Variants in DEFB121 observed in about 807,000 individuals in gnomAD.
DEFB121 encodes the protein beta-defensin 121.
A neutral mutation model predicts 2.5 loss-of-function variants in DEFB121; 5 were observed. The observed-to-expected ratio is 1.96, with a 90% CI of 1.03 to 4.13. DEFB121 has a LOEUF of 4.13. Among genes scored for constraint, DEFB121 ranks in the 30% most tolerant of loss-of-function variants. The pLI is 0.00. For synonymous variants in DEFB121, 39 were observed against 32.6 expected (o/e 1.20, Z -0.67); for missense variants, 87 against 85.0 (o/e 1.02, Z -0.09).
chr20:31,412,561 C>A (rs1978692633), intron 1 of DEFB121: 3 of 1,210,628 alleles, frequency 2.5e-6, no homozygotes, highest in Non-Finnish European at 3.3e-6. Flanking sequence ...GGGAATAGTG[C>A]CTGGCATAGA....
At chr20:31,413,766 T>C (rs534473150), upstream of DEFB121, among the ~76,000 whole-genome samples, 14 of 152,278 alleles carry the variant, frequency 9.2e-5, no homozygotes, top group South Asian at 6.2e-4. Flanking sequence ...AATCCTACAA[T>C]GGGCTTAGAA....
upstream of DEFB121, among the ~76,000 whole-genome samples, chr20:31,414,328 T>C (rs1600534442): frequency 6.6e-6 from 1 of 152,082 alleles, no homozygotes; most frequent in Admixed American, 6.6e-5. Context: ...AGAGATTATA[T>C]GACCCAGCCA....
chr20:31,417,671 T>C (rs938796803), upstream of DEFB121, among the ~76,000 whole-genome samples: 3 of 151,788 alleles, frequency 2.0e-5, no homozygotes, highest in Non-Finnish European at 4.4e-5. Context: ...ACACGAAATT[T>C]AGGGACAATG....
Position 31,406,178 on chromosome 20 carries a change from A to G in DEFB121, c.-26T>C. On this transcript the variant is annotated 5_prime_UTR_variant, in exon 1 of 2. Transcript: ENST00000376314. ...GAATGATGAATGATCAGGGAGGGAT[A>G]GGAGGCTTCTCAACTGGTAAAACAG... 6.2e-7 allele frequency: 1 copy of G among 1,613,806 alleles called. No individual in the cohort carries two copies. Among genetic ancestry groups the G allele is most frequent in the African/African-American group, 1.3e-5 (1 of 75,072 alleles).
At chr20:31,405,109 A>C (rs1265256131) in intron 1 of DEFB121, 24 bp from the exon 2 acceptor site, 1 of 1,581,702 alleles carries the variant, frequency 6.3e-7, no homozygotes, top group Non-Finnish European at 8.6e-7. Flanking sequence ...GGAAGAAGAG[A>C]ATAGAGTCAG....
upstream of DEFB121, chr20:31,412,877 C>T (rs112836532): frequency 0.017 from 4,747 of 277,994 alleles, 53 homozygotes; most frequent in Non-Finnish European, 0.02. Context: ...TAACTCTGTT[C>T]GGGCACTGGT....
At chr20:31,412,808 G>T (rs1978701175) in exon 1 of DEFB121, 3 of 560,398 alleles carry the variant, frequency 5.4e-6, no homozygotes, top group Admixed American at 5.8e-5. Context: ...GACCCAGAGG[G>T]CTCACCCAGA....
chr20:31,417,079 C>T (rs1007352585), upstream of DEFB121, among the ~76,000 whole-genome samples: 2 of 152,190 alleles, frequency 1.3e-5, no homozygotes, highest in African/African-American at 2.4e-5. Context: ...GGCGCAATGG[C>T]TCACATCTAT....
upstream of DEFB121, among the ~76,000 whole-genome samples, chr20:31,416,252 G>A (rs1156871009): frequency 6.6e-6 from 1 of 152,058 alleles, no homozygotes; most frequent in Non-Finnish European, 1.5e-5. Flanking sequence ...GTAGAGATGG[G>A]GTTCCACCAT....
the DEFB121 span, among the ~76,000 whole-genome samples, chr20:31,418,221 CT>C: frequency 1.5e-5 from 2 of 134,024 alleles, no homozygotes; most frequent in South Asian, 5.2e-4. Flanking sequence ...GGTCCCGCCA[CT>C]GCACTCCAGC....
At chr20:31,407,207 G>A (rs2122351233), upstream of DEFB121, among the ~76,000 whole-genome samples, 1 of 149,472 alleles carries the variant, frequency 6.7e-6, no homozygotes, top group South Asian at 2.4e-4. Context: ...CCGAGATTGT[G>A]CCACTGCACT....
At chr20:31,409,503 G>A (rs1263278033), upstream of DEFB121, among the ~76,000 whole-genome samples, 2 of 152,174 alleles carry the variant, frequency 1.3e-5, no homozygotes, top group African/African-American at 4.8e-5. Flanking sequence ...CACTTTGAGA[G>A]GCCAAGGTGG....
intron 1 of DEFB121, 26 bp from the exon 2 acceptor site, chr20:31,405,111 TAG>T (rs1356974254): frequency 1.3e-5 from 20 of 1,578,652 alleles, no homozygotes; most frequent in Admixed American, 2.0e-5. Flanking sequence ...AAGAAGAGAA[TAG>T]AGTCAGTTTT....
chr20:31,415,201 A>G (rs1009874383), upstream of DEFB121, among the ~76,000 whole-genome samples: 14 of 152,216 alleles, frequency 9.2e-5, no homozygotes, highest in South Asian at 4.1e-4. Context: ...ACAATAAAAT[A>G]AAATCTTTGA....
At chr20:31,416,276 G>T (rs1368456183), upstream of DEFB121, among the ~76,000 whole-genome samples, 1 of 152,144 alleles carries the variant, frequency 6.6e-6, no homozygotes, top group East Asian at 1.9e-4. Flanking sequence ...AGCCAGGCTG[G>T]TCTCAAACTC....
At chr20:31,410,668 C>T (rs1051777243), upstream of DEFB121, among the ~76,000 whole-genome samples, 3 of 152,086 alleles carry the variant, frequency 2.0e-5, no homozygotes, top group Admixed American at 6.6e-5. Flanking sequence ...GTATCAGCCC[C>T]GTGGACTGGA....
upstream of DEFB121, among the ~76,000 whole-genome samples, chr20:31,415,788 A>G (rs1978790733): frequency 6.6e-6 from 1 of 151,998 alleles, no homozygotes; most frequent in Non-Finnish European, 1.5e-5. Context: ...GGAGAAGGAG[A>G]GGGTGTAAAA....
At chr20:31,415,465 G>C (rs544710924), upstream of DEFB121, among the ~76,000 whole-genome samples, 4 of 152,126 alleles carry the variant, frequency 2.6e-5, no homozygotes, top group East Asian at 7.7e-4. Flanking sequence ...GGCCAGGCTG[G>C]TCTCAAACTC....
At chr20:31,415,841 G>T (rs1240901174), upstream of DEFB121, among the ~76,000 whole-genome samples, 1 of 152,088 alleles carries the variant, frequency 6.6e-6, no homozygotes, top group Admixed American at 6.6e-5. Flanking sequence ...AGGAGTGGTG[G>T]CAGGAACATT....
Sources: gnomAD v4.1 joint callset for allele counts (sites outside exome capture counted in the v4.1 genomes callset) on GRCh38, gnomAD v4.1.1 for gene constraint, MANE v1.5 for transcripts, NCBI Gene and HGNC (gene_info 2026-07-23, HGNC 2026-07-21) for gene names.